Variants in AGBL1 observed in about 807,000 individuals in gnomAD.
AGBL1 encodes the protein AGBL carboxypeptidase 1.
AGBL1 carries 130 observed loss-of-function variants against 118.9 expected under a neutral mutation model. The ratio of observed to expected loss-of-function variants is 1.09; its 90% CI spans 0.95 to 1.26. The LOEUF is 1.26. AGBL1 is among the 50% of genes most tolerant of loss of function. AGBL1 has a pLI of 0.00. For synonymous variants in AGBL1, 555 were observed against 478.9 expected (o/e 1.16, Z -2.08); for missense variants, 1,584 against 1,298.1 (o/e 1.22, Z -3.38).
intron 22 of AGBL1, among the ~76,000 whole-genome samples, chr15:86,864,472 T>C (rs2079599038): frequency 6.6e-6 from 1 of 152,150 alleles, no homozygotes; most frequent in Non-Finnish European, 1.5e-5. Flanking sequence ...CTTCATGTCA[T>C]AGATAAGAAA....
chr15:86,579,298 A>T (rs1048462197), intron 21 of AGBL1, among the ~76,000 whole-genome samples: 11 of 152,228 alleles, frequency 7.2e-5, no homozygotes, highest in Admixed American at 3.3e-4. Flanking sequence ...GCTAATTGGG[A>T]AGTCTTGAAT....
At chr15:86,443,417 C>A (rs1268121999) in intron 18 of AGBL1, among the ~76,000 whole-genome samples, 1 of 152,086 alleles carries the variant, frequency 6.6e-6, no homozygotes, top group Non-Finnish European at 1.5e-5. Flanking sequence ...AGGGTATTAG[C>A]ATATCTATCA....
At chr15:86,812,269 A>G (rs189834836) in intron 22 of AGBL1, among the ~76,000 whole-genome samples, 39 of 152,330 alleles carry the variant, frequency 2.6e-4, no homozygotes, top group African/African-American at 9.4e-4. Flanking sequence ...TGTATAAAAC[A>G]TTATACTGTC....
At chr15:86,287,138 C>A (rs2079467481) in intron 16 of AGBL1, among the ~76,000 whole-genome samples, 1 of 151,980 alleles carries the variant, frequency 6.6e-6, no homozygotes. Flanking sequence ...TATCTGTTGG[C>A]CATTTGTATG....
chr15:86,198,634 C>A (rs2077854045), intron 5 of AGBL1, among the ~76,000 whole-genome samples: 1 of 152,066 alleles, frequency 6.6e-6, no homozygotes. Context: ...TCCTACAGGA[C>A]TGATGGCCTC....
chr15:86,970,656 A>G (rs775918824), intron 23 of AGBL1, among the ~76,000 whole-genome samples: 4 of 151,918 alleles, frequency 2.6e-5, no homozygotes, highest in East Asian at 1.9e-4. Context: ...GTGATAGCCA[A>G]TTTTTCTCTT....
At chr15:86,231,135 A>G (rs139688009) in intron 6 of AGBL1, among the ~76,000 whole-genome samples, 32 of 152,280 alleles carry the variant, frequency 2.1e-4, no homozygotes, top group African/African-American at 7.7e-4. Context: ...TAATTGATGA[A>G]TCATGTTTTT....
chr15:86,726,126 T>A (rs967512863), intron 22 of AGBL1, among the ~76,000 whole-genome samples: 9 of 152,238 alleles, frequency 5.9e-5, no homozygotes, highest in African/African-American at 2.2e-4. Flanking sequence ...ATTTTAAGAC[T>A]TTTGAATATA....
intron 18 of AGBL1, among the ~76,000 whole-genome samples, chr15:86,403,837 T>C (rs1414033071): frequency 6.6e-6 from 1 of 152,212 alleles, no homozygotes; most frequent in Non-Finnish European, 1.5e-5. Flanking sequence ...CTTAACATGT[T>C]CTTGCAGGGC....
At chr15:86,377,456 G>A (rs2081055581) in intron 17 of AGBL1, among the ~76,000 whole-genome samples, 1 of 152,120 alleles carries the variant, frequency 6.6e-6, no homozygotes, top group Non-Finnish European at 1.5e-5. Context: ...TACTCTAGCA[G>A]CATTTTTGCT....
In AGBL1 at chr15:86,516,514, A is replaced by G. The variant is rs369459530; in HGVS notation, c.2556-6296A>G. On this transcript the variant is annotated intron_variant, in intron 18 of 22. Transcript: ENST00000614907. ...CAAGTGTTGTGTAGAAATGTGAATT[A>G]ACTGGCTGGGTGCGGTGGCTGACGC... Among the ~76,000 whole-genome samples the G allele has an allele frequency of 1.4e-4, 21 of 152,304 alleles. No individual in the cohort carries two copies. The South Asian group carries it at 3.9e-3, about 29-fold the overall frequency.
Position 86,136,630 on chromosome 15 carries a change from G to A in AGBL1, c.52-5374G>A, listed in dbSNP as rs545923851. ...TGCATCAGCATGAGCCCAGACTTGA[G>A]AGCAGAGGTACCCATGATACTCTTG... On this transcript the variant is annotated intron_variant, in intron 1 of 22. Coordinates refer to ENST00000614907, the MANE Select transcript of AGBL1 (RefSeq NM_001386094.1). Among the ~76,000 whole-genome samples the A allele has an allele frequency of 2.1e-3, 316 of 152,324 alleles. 2 individuals are homozygous for A. The highest frequency in any genetic ancestry group is 7.2e-3 in the African/African-American group (300 of 41,580).
intron 17 of AGBL1, among the ~76,000 whole-genome samples, chr15:86,319,383 T>G (rs2080068304): frequency 6.6e-6 from 1 of 152,160 alleles, no homozygotes; most frequent in African/African-American, 2.4e-5. Flanking sequence ...TAGTTTTAAT[T>G]GGCATTTTTT....
chr15:86,874,239 A>T (rs1453404378), intron 22 of AGBL1, among the ~76,000 whole-genome samples: 2 of 152,184 alleles, frequency 1.3e-5, no homozygotes, highest in African/African-American at 4.8e-5. Context: ...CTGTCCCAAG[A>T]GTTGCTTAAA....
At chr15:86,964,705 G>T (rs1049399526) in intron 23 of AGBL1, among the ~76,000 whole-genome samples, 3 of 151,368 alleles carry the variant, frequency 2.0e-5, no homozygotes, top group African/African-American at 7.3e-5. Context: ...TGTTACATAG[G>T]TATACACGTG....
intron 5 of AGBL1, among the ~76,000 whole-genome samples, chr15:86,200,577 C>T (rs1160129270): frequency 8.4e-6 from 1 of 119,568 alleles, no homozygotes; most frequent in Non-Finnish European, 1.7e-5. Flanking sequence ...TTTTTTGCTC[C>T]CATCATGGTG....
intron 5 of AGBL1, among the ~76,000 whole-genome samples, chr15:86,181,776 TTTTGAA>T (rs2077556181): frequency 6.6e-6 from 1 of 152,086 alleles, no homozygotes; most frequent in South Asian, 2.1e-4. Context: ...TAACTAGTTA[TTTTGAA>T]TGGTGGGGGG....
At chr15:86,831,987 TC>T (rs1290893745) in intron 22 of AGBL1, among the ~76,000 whole-genome samples, 1 of 152,204 alleles carries the variant, frequency 6.6e-6, no homozygotes, top group Non-Finnish European at 1.5e-5. Context: ...GACTTCTGTG[TC>T]CCTGCAGGCC....
chr15:86,357,980 T>G (rs894731022), intron 17 of AGBL1, among the ~76,000 whole-genome samples: 1 of 152,154 alleles, frequency 6.6e-6, no homozygotes, highest in African/African-American at 2.4e-5. Flanking sequence ...ATTTCCACAA[T>G]TAAGCTAATT....
Sources: allele counts gnomAD v4.1 joint callset (sites outside exome capture counted in the v4.1 genomes callset), GRCh38; gene constraint gnomAD v4.1.1; transcripts MANE v1.5; gene names NCBI Gene and HGNC (gene_info 2026-07-23, HGNC 2026-07-21).